Variants in PSD3 observed in about 807,000 individuals in gnomAD.
PSD3 encodes the protein pleckstrin and Sec7 domain containing 3, also known as PH and SEC7 domain-containing protein 3.
Under a neutral mutation model 105.5 loss-of-function variants are expected in PSD3, and 49 were observed. The observed-to-expected ratio is 0.46, with a 90% CI of 0.37 to 0.59. The LOEUF (loss-of-function observed/expected upper bound fraction) is 0.59, where lower values mean the gene tolerates loss of function less well. PSD3 is among the 20% of genes least tolerant of loss of function. The pLI, the probability that PSD3 is intolerant of heterozygous loss-of-function variation, is 0.00. For synonymous variants in PSD3, 557 were observed against 457.8 expected, an observed-to-expected ratio of 1.22 and a Z score of -2.77; for missense variants, 1,561 against 1,263.8, an observed-to-expected ratio of 1.24 and a Z score of -3.57.
chr8:18,815,925 T>A (rs1185350801), intron 4 of PSD3, among the ~76,000 whole-genome samples: 2 of 152,170 alleles, frequency 1.3e-5, no homozygotes, highest in Non-Finnish European at 2.9e-5. Context: ...TGGATTCACT[T>A]AATTTTGTGT....
chr8:18,866,471 T>C (rs1023530974), intron 4 of PSD3, among the ~76,000 whole-genome samples: 1 of 152,206 alleles, frequency 6.6e-6, no homozygotes. Flanking sequence ...CACTGGATCA[T>C]TAACCCCATT....
intron 1 of PSD3, among the ~76,000 whole-genome samples, chr8:19,009,933 A>C (rs1826876938): frequency 6.6e-6 from 1 of 152,210 alleles, no homozygotes; most frequent in Non-Finnish European, 1.5e-5. Context: ...AGAAACTTAG[A>C]AAATGCTGCT....
intron 15 of PSD3, among the ~76,000 whole-genome samples, chr8:18,546,754 A>G (rs1800475203): frequency 6.6e-6 from 1 of 152,144 alleles, no homozygotes; most frequent in East Asian, 1.9e-4. Context: ...ATGACTGTAC[A>G]TTTGTACCTT....
At chr8:18,959,530 C>G (rs1315614088) in intron 1 of PSD3, among the ~76,000 whole-genome samples, 1 of 152,100 alleles carries the variant, frequency 6.6e-6, no homozygotes, top group Non-Finnish European at 1.5e-5. Flanking sequence ...TCATTGCTCA[C>G]GACACTAAGC....
intron 2 of PSD3, among the ~76,000 whole-genome samples, chr8:18,935,528 GA>G (rs1822057844): frequency 7.2e-6 from 1 of 139,526 alleles, no homozygotes. Flanking sequence ...AAAAAAAAAA[GA>G]AAAAAAGTAT....
At chr8:18,717,204 T>G (rs564198416) in intron 9 of PSD3, among the ~76,000 whole-genome samples, 150 of 152,236 alleles carry the variant, frequency 9.9e-4, no homozygotes, top group African/African-American at 3.3e-3. Context: ...GAAATAAAAA[T>G]AAAATTAACC....
intron 1 of PSD3, among the ~76,000 whole-genome samples, chr8:19,019,171 A>C (rs1827278799): frequency 6.6e-6 from 1 of 152,240 alleles, no homozygotes; most frequent in Non-Finnish European, 1.5e-5. Flanking sequence ...AGCAAAAAAA[A>C]CAGAGATGGA....
At chr8:18,658,031 C>T (rs1165929948) in intron 9 of PSD3, among the ~76,000 whole-genome samples, 1 of 152,200 alleles carries the variant, frequency 6.6e-6, no homozygotes, top group Non-Finnish European at 1.5e-5. Context: ...AAAATTCTTG[C>T]TATTCAATCA....
At chr8:18,727,408 C>T (rs943733795) in intron 9 of PSD3, among the ~76,000 whole-genome samples, 2 of 150,614 alleles carry the variant, frequency 1.3e-5, no homozygotes, top group Non-Finnish European at 2.9e-5. Context: ...ACTTGGGAAG[C>T]TGAGGCAGGG....
At chr8:18,848,312 G>A (rs1815267299) in intron 4 of PSD3, among the ~76,000 whole-genome samples, 1 of 152,136 alleles carries the variant, frequency 6.6e-6, no homozygotes, top group South Asian at 2.1e-4. Flanking sequence ...AACAAAACAT[G>A]GATTTTGATA....
chr8:18,764,425 A>G (rs1017940230), intron 9 of PSD3, among the ~76,000 whole-genome samples: 1 of 152,192 alleles, frequency 6.6e-6, no homozygotes, highest in Non-Finnish European at 1.5e-5. Context: ...TACTCCATAA[A>G]TTAAAGCTAC....
chr8:19,019,349 T>A (rs1406013261), intron 1 of PSD3, among the ~76,000 whole-genome samples: 2 of 152,228 alleles, frequency 1.3e-5, no homozygotes, highest in Admixed American at 6.5e-5. Context: ...TTGTGATCTA[T>A]GGCTCACTCC....
intron 9 of PSD3, chr8:18,721,324 A>G (rs1802958797): frequency 6.6e-6 from 1 of 151,980 alleles, no homozygotes. Flanking sequence ...CAGGGGTGCT[A>G]TGTAAGACTC....
intron 4 of PSD3, among the ~76,000 whole-genome samples, chr8:18,831,067 C>T (rs1813641741): frequency 7.8e-6 from 1 of 128,246 alleles, no homozygotes; most frequent in Non-Finnish European, 1.5e-5. Flanking sequence ...TGGTTCAAAT[C>T]CTGACTCTGA....
At chr8:18,702,761 C>T (rs538108458) in intron 9 of PSD3, among the ~76,000 whole-genome samples, 1 of 151,892 alleles carries the variant, frequency 6.6e-6, no homozygotes, top group East Asian at 2.0e-4. Flanking sequence ...TACCGGTGCC[C>T]GCCATCACGC....
intron 4 of PSD3, among the ~76,000 whole-genome samples, chr8:18,812,752 G>T (rs140890991): frequency 7.2e-5 from 11 of 152,318 alleles, no homozygotes; most frequent in Admixed American, 5.9e-4. Context: ...GTGAGGACAC[G>T]TGGAGATTTC....
chr8:18,970,186 G>A (rs4629912), intron 1 of PSD3, among the ~76,000 whole-genome samples: 20,068 of 150,974 alleles, frequency 0.13, 1,408 homozygotes, highest in Non-Finnish European at 0.17. Context: ...TTAGCCGGGC[G>A]TGGTGGCGGG....
intron 10 of PSD3, among the ~76,000 whole-genome samples, chr8:18,638,476 G>A (rs1463178927): frequency 1.3e-5 from 2 of 151,896 alleles, no homozygotes; most frequent in African/African-American, 4.8e-5. Flanking sequence ...AAAATGAGTA[G>A]CATTTTTGTA....
At position 18,710,721 on chromosome 8, in the gene PSD3, G is replaced by A. The variant is rs140523779; in HGVS notation, c.2172+54728C>T. Among the ~76,000 whole-genome samples the A allele has an allele frequency of 3.4e-3, 512 of 151,900 alleles. 1 individual carries two copies. Among genetic ancestry groups the A allele is most frequent in the African/African-American group, 0.012 (482 of 41,400 alleles). On this transcript the variant is annotated intron_variant, in intron 9 of 15. Coordinates refer to ENST00000327040, the MANE Select transcript of PSD3 (RefSeq NM_015310.4). ...TTTTGAGATGGAGTCTCTCTCTGTC[G>A]CCAAGGCTGGAGTGCAGTGGCGTGA...
Sources: gnomAD v4.1 joint callset for allele counts (sites outside exome capture counted in the v4.1 genomes callset) on GRCh38, gnomAD v4.1.1 for gene constraint, MANE v1.5 for transcripts, NCBI Gene and HGNC (gene_info 2026-07-23, HGNC 2026-07-21) for gene names.